The following ADGRF1 variants were observed in gnomAD, a reference collection of about 807,000 sequenced individuals.
ADGRF1 encodes G protein-coupled receptor 110.
In ADGRF1, 85 loss-of-function variants were observed where a neutral mutation model predicts 87.2. The observed-to-expected ratio is 0.97, with a 90% CI of 0.82 to 1.17. The LOEUF (loss-of-function observed/expected upper bound fraction) is 1.17. ADGRF1 is among the 50% of genes most tolerant of loss of function. The pLI is 0.00. For missense variants in ADGRF1, 1,169 were observed against 1,077.2 expected, an observed-to-expected ratio of 1.09 and a Z score of -1.19; for synonymous variants, 430 against 408.8, an observed-to-expected ratio of 1.05 and a Z score of -0.63.
Position 47,007,501 on chromosome 6 carries a change from G to A in ADGRF1, c.2491-207C>T, listed in dbSNP as rs1045430815. ...TGCAAAGCACTCAAAAAAATGTTTT[G>A]TTGATGTCTAAATAAGCAAATGACC... On this transcript the variant is annotated intron_variant, in intron 11 of 14. Transcript: ENST00000371253. 4.6e-5 allele frequency among the ~76,000 whole-genome samples: 7 copies of A among 152,316 alleles called. 1 individual carries two copies. The highest frequency in any genetic ancestry group is 1.9e-4 in the East Asian group (1 of 5,194).
chr6:47,023,728 T>C (rs1229726714), intron 5 of ADGRF1, among the ~76,000 whole-genome samples: 2 of 152,182 alleles, frequency 1.3e-5, no homozygotes, highest in Non-Finnish European at 2.9e-5. Context: ...GGAAGACAAA[T>C]GTTGCTTACT....
chr6:47,004,440 T>C (rs1673095203), intron 13 of ADGRF1, among the ~76,000 whole-genome samples: 1 of 152,228 alleles, frequency 6.6e-6, no homozygotes, highest in Non-Finnish European at 1.5e-5. Flanking sequence ...AGACACTGCC[T>C]TCTCAGAAGT....
Position 46,998,011 on chromosome 6 carries a change from C to A in ADGRF1, c.*2211G>T, listed in dbSNP as rs1779260054. 6.6e-6 allele frequency: 1 copy of A among 152,158 alleles called. No individual in the cohort carries two copies. The allele number at this position is 152,158 out of a possible 1,614,324, so 9.4% of individuals were successfully genotyped here. A position where few individuals can be genotyped will look rare whatever the true frequency, so the allele number is the denominator to read the frequency against. On this transcript the variant is annotated 3_prime_UTR_variant, in exon 15 of 15. Transcript: ENST00000371253. ...TAATTTAGTACTAAATTTTTCTTCCCTCTCCAACTGAGTCTTGTGTTGAGT... is the reference window on the plus strand; with the variant it reads ...TAATTTAGTACTAAATTTTTCTTCCATCTCCAACTGAGTCTTGTGTTGAGT...
intron 9 of ADGRF1, chr6:47,013,627 C>T: frequency 1.0e-6 from 1 of 985,350 alleles, no homozygotes; most frequent in Non-Finnish European, 1.2e-6. Flanking sequence ...ATACTTGAAC[C>T]TTCCTAAGAG....
rs1229641633 is a variant in ADGRF1, at chr6:46,999,101, G to A, written c.*1121C>T. ...GCACTATGGTCACGGCTGAAACTCA[G>A]GTAGGTGAGCCAAATGTGATGGAAG... On this transcript the variant is annotated 3_prime_UTR_variant, in exon 15 of 15. Transcript: ENST00000371253. 6.6e-6 allele frequency: 1 copy of A among 152,226 alleles called. No homozygotes were observed. Among genetic ancestry groups the A allele is most frequent in the African/African-American group, 2.4e-5 (1 of 41,442 alleles). The allele number at this position is 152,226 out of a possible 1,614,324, so 9.4% of individuals were successfully genotyped here.
chr6:47,011,668 A>G (rs1779710776), intron 10 of ADGRF1, among the ~76,000 whole-genome samples: 2 of 152,234 alleles, frequency 1.3e-5, no homozygotes, highest in Non-Finnish European at 1.5e-5. Context: ...CTTAAAATAT[A>G]CACTGTTCAA....
chr6:47,006,828 G>T (rs1189327022), intron 12 of ADGRF1, among the ~76,000 whole-genome samples: 1 of 152,088 alleles, frequency 6.6e-6, no homozygotes, highest in Non-Finnish European at 1.5e-5. Flanking sequence ...GTCTGTGAGA[G>T]GCTATTAACA....
At chr6:47,022,802 T>C (rs897764110) in intron 5 of ADGRF1, among the ~76,000 whole-genome samples, 41 of 141,950 alleles carry the variant, frequency 2.9e-4, no homozygotes, top group African/African-American at 1.1e-3. Context: ...CTTTTCTTTT[T>C]TCTTTTTTTT....
intron 10 of ADGRF1, 70 bp from the exon 11 acceptor site, chr6:47,010,388 C>T (rs1202798413): frequency 7.9e-7 from 1 of 1,262,728 alleles, no homozygotes; most frequent in African/African-American, 1.5e-5. Flanking sequence ...AGTGGATAGT[C>T]ATTAGCATTA....
intron 1 of ADGRF1, among the ~76,000 whole-genome samples, chr6:47,041,924 A>G (rs1381125042): frequency 6.6e-6 from 1 of 152,316 alleles, no homozygotes. Context: ...CTGTGTTATC[A>G]CAGAGGGAAG....
At chr6:47,030,201 T>C (rs1780370167) in intron 1 of ADGRF1, among the ~76,000 whole-genome samples, 1 of 152,192 alleles carries the variant, frequency 6.6e-6, no homozygotes, top group Non-Finnish European at 1.5e-5. Flanking sequence ...AGGGAAGAAC[T>C]ACCATAGAGG....
chr6:47,030,210 G>T (rs897519173), intron 1 of ADGRF1, among the ~76,000 whole-genome samples: 1 of 152,218 alleles, frequency 6.6e-6, no homozygotes, highest in Non-Finnish European at 1.5e-5. Context: ...CTACCATAGA[G>T]GTGGCCTATG....
chr6:47,038,893 G>C (rs1041658510), intron 1 of ADGRF1, among the ~76,000 whole-genome samples: 6 of 152,150 alleles, frequency 3.9e-5, no homozygotes, highest in Non-Finnish European at 5.9e-5. Flanking sequence ...TTATCTAAGA[G>C]ACGAAGCATA....
chr6:47,025,645 G>C (rs188525179), intron 4 of ADGRF1, among the ~76,000 whole-genome samples: 18 of 152,234 alleles, frequency 1.2e-4, no homozygotes, highest in African/African-American at 3.9e-4. Flanking sequence ...TATGAGATAG[G>C]GTCTGATACA....
At chr6:47,027,682 A>T in intron 3 of ADGRF1, 22 bp downstream of exon 3, 1 of 1,575,344 alleles carries the variant, frequency 6.3e-7, no homozygotes, top group Non-Finnish European at 8.7e-7. Context: ...CCACTGCACC[A>T]TGCTGTCTAA....
At chr6:47,020,223 G>T in intron 7 of ADGRF1, 2 of 1,258,762 alleles carry the variant, frequency 1.6e-6, no homozygotes, top group Non-Finnish European at 2.0e-6. Context: ...GCCAGATGTG[G>T]TGGCTCATGC....
intron 1 of ADGRF1, among the ~76,000 whole-genome samples, chr6:47,029,572 G>A (rs569716364): frequency 4.5e-4 from 68 of 152,134 alleles, no homozygotes; most frequent in Non-Finnish European, 6.5e-4. Context: ...TTTCATAGTA[G>A]ATATAATTAG....
chr6:47,008,819 C>T (rs1330919488), intron 11 of ADGRF1, 126 bp downstream of exon 11: 4 of 750,746 alleles, frequency 5.3e-6, no homozygotes, highest in Non-Finnish European at 8.7e-6. Context: ...TGTTTCCATG[C>T]AGTTTTTCTG....
intron 4 of ADGRF1, among the ~76,000 whole-genome samples, chr6:47,024,609 T>A (rs994538120): frequency 1.3e-5 from 2 of 152,194 alleles, no homozygotes; most frequent in African/African-American, 4.8e-5. Context: ...CCACCGCGCC[T>A]GACCCTGAGT....
Sources: allele counts gnomAD v4.1 joint callset (sites outside exome capture counted in the v4.1 genomes callset), GRCh38; gene constraint gnomAD v4.1.1; transcripts MANE v1.5; gene names NCBI Gene and HGNC (gene_info 2026-07-23, HGNC 2026-07-21).